UNC5D: variants seen among roughly 807,000 people sequenced by gnomAD.
UNC5D encodes the protein unc-5 netrin receptor D.
A neutral mutation model predicts 105.4 loss-of-function variants in UNC5D; 39 were observed. The ratio of observed to expected loss-of-function variants is 0.37; its 90% CI spans 0.29 to 0.48. The LOEUF (loss-of-function observed/expected upper bound fraction) is 0.48. UNC5D is among the 20% of genes least tolerant of loss of function. The pLI is 0.98. For missense variants in UNC5D, 991 were observed against 1,202.4 expected, an observed-to-expected ratio of 0.82 and a Z score of 2.60; for synonymous variants, 452 against 450.4, an observed-to-expected ratio of 1.00 and a Z score of -0.04.
intron 1 of UNC5D, among the ~76,000 whole-genome samples, chr8:35,408,844 A>G (rs1396401133): frequency 6.6e-6 from 1 of 152,080 alleles, no homozygotes; most frequent in Non-Finnish European, 1.5e-5. Flanking sequence ...ATATAGCTCT[A>G]TGAATTTTGA....
At chr8:35,479,231 T>G (rs1347942755) in intron 1 of UNC5D, among the ~76,000 whole-genome samples, 2 of 152,092 alleles carry the variant, frequency 1.3e-5, no homozygotes, top group Admixed American at 6.6e-5. Flanking sequence ...TCGTTAGCCA[T>G]TAGGAGTCTT....
chr8:35,351,655 C>A (rs1191663977), intron 1 of UNC5D, among the ~76,000 whole-genome samples: 1 of 151,990 alleles, frequency 6.6e-6, no homozygotes, highest in African/African-American at 2.4e-5. Context: ...ATATTTGCCA[C>A]CTTAAAAAAG....
rs151084247 is a variant in UNC5D, at chr8:35,591,752, A to G, written c.467-3802A>G. 3.7e-3 allele frequency among the ~76,000 whole-genome samples: 569 copies of G among 152,300 alleles called. 4 individuals are homozygous for G. Among genetic ancestry groups the G allele is most frequent in the African/African-American group, 0.012 (483 of 41,568 alleles). Reference sequence around the variant, plus strand: ...AGATATTACAATAGGCACTGGGAATAGAGGAGTGAAAGTCTAGGACATAGA... The same window carrying G: ...AGATATTACAATAGGCACTGGGAATGGAGGAGTGAAAGTCTAGGACATAGA... On this transcript the variant is annotated intron_variant, in intron 3 of 16. Transcript: ENST00000404895.
At chr8:35,548,399 ACTC>A (rs1427589077) in intron 1 of UNC5D, among the ~76,000 whole-genome samples, 1 of 151,754 alleles carries the variant, frequency 6.6e-6, no homozygotes, top group Admixed American at 6.6e-5. Flanking sequence ...ACAAGATGCC[ACTC>A]CTCCTTGTCC....
Position 35,601,967 on chromosome 8 carries a change from G to A in UNC5D, c.570+6310G>A, listed in dbSNP as rs546914557. On this transcript the variant is annotated intron_variant, in intron 4 of 16. Coordinates refer to ENST00000404895, the MANE Select transcript of UNC5D (RefSeq NM_080872.4). ...GATAGCTCTTATTATTTTGAGATACGTCCCATCAATACCTAATTTATTGAG... is the reference window on the plus strand; with the variant it reads ...GATAGCTCTTATTATTTTGAGATACATCCCATCAATACCTAATTTATTGAG... Among the ~76,000 whole-genome samples the A allele has an allele frequency of 6.0e-4, 91 of 152,244 alleles. 1 individual carries two copies. Among genetic ancestry groups the A allele is most frequent in the African/African-American group, 1.9e-3 (80 of 41,544 alleles).
At chr8:35,768,977 G>T (rs1283119922) in intron 15 of UNC5D, among the ~76,000 whole-genome samples, 1 of 152,132 alleles carries the variant, frequency 6.6e-6, no homozygotes, top group African/African-American at 2.4e-5. Flanking sequence ...CATAGCTACA[G>T]AATTTGGCCC....
At chr8:35,325,293 A>T (rs893576223) in intron 1 of UNC5D, among the ~76,000 whole-genome samples, 2 of 152,204 alleles carry the variant, frequency 1.3e-5, no homozygotes, top group African/African-American at 4.8e-5. Flanking sequence ...AATTATTTTT[A>T]AAAAGACTTA....
chr8:35,681,604 C>T (rs1314213005), intron 4 of UNC5D, among the ~76,000 whole-genome samples: 1 of 152,166 alleles, frequency 6.6e-6, no homozygotes, highest in Non-Finnish European at 1.5e-5. Context: ...CTTTTTGGCT[C>T]TGATCATTGT....
At chr8:35,737,300 G>T (rs7820398) in intron 11 of UNC5D, among the ~76,000 whole-genome samples, 2,229 of 130,094 alleles carry the variant, frequency 0.017, 56 homozygotes, top group East Asian at 0.075. Context: ...GTGTGTGTGT[G>T]TTAATGTGTG....
intron 1 of UNC5D, among the ~76,000 whole-genome samples, chr8:35,510,125 C>T (rs891713500): frequency 6.6e-6 from 1 of 151,936 alleles, no homozygotes; most frequent in African/African-American, 2.4e-5. Flanking sequence ...TTTTTCATTA[C>T]ATCCTTGGCT....
chr8:35,247,614 T>A lies in UNC5D; in HGVS notation c.103+11727T>A, dbSNP rs1334392658. ...ATATATATAATATATAAATATATAT[T>A]ATATATAAAATATATATAATATATA... On this transcript the variant is annotated intron_variant, in intron 1 of 16. Transcript: ENST00000404895. Among the ~76,000 whole-genome samples the A allele has an allele frequency of 1.5e-3, 133 of 90,090 alleles. 2 individuals carry two copies. In the South Asian group the frequency reaches 0.031, roughly 21 times the overall value. 59.1% of individuals were successfully genotyped at this position (90,090 alleles called of 152,430 possible). A position where few individuals can be genotyped will look rare whatever the true frequency, so the allele number is the denominator to read the frequency against.
In UNC5D at chr8:35,267,201, G is replaced by A. The variant is rs1804941469; in HGVS notation, c.103+31314G>A. ...CACTGATTGAGTAGTCATTTTGATG[G>A]CGGAAAAAGAATTTTTCCAGGGTAA... On this transcript the variant is annotated intron_variant, in intron 1 of 16. Transcript: ENST00000404895. Among the ~76,000 whole-genome samples, 8 of 151,680 alleles carry A rather than the reference G, an allele frequency of 5.3e-5. No homozygotes were observed. In the South Asian group the frequency reaches 1.7e-3, roughly 32 times the overall value.
intron 1 of UNC5D, among the ~76,000 whole-genome samples, chr8:35,244,399 T>C (rs1174919096): frequency 6.6e-6 from 1 of 152,180 alleles, no homozygotes; most frequent in Non-Finnish European, 1.5e-5. Context: ...TGTATAAGCA[T>C]CGGAGACAGA....
chr8:35,240,144 C>T (rs1802715163), intron 1 of UNC5D, among the ~76,000 whole-genome samples: 1 of 152,038 alleles, frequency 6.6e-6, no homozygotes, highest in African/African-American at 2.4e-5. Context: ...GAGATTAGCT[C>T]TCACTATTTT....
intron 8 of UNC5D, among the ~76,000 whole-genome samples, chr8:35,709,040 CCAA>C (rs1399822533): frequency 3.3e-5 from 5 of 152,088 alleles, no homozygotes; most frequent in Admixed American, 3.3e-4. Flanking sequence ...TGCTCAATAC[CCAA>C]CAATTCATCA....
intron 1 of UNC5D, among the ~76,000 whole-genome samples, chr8:35,498,725 T>C (rs1364447805): frequency 6.6e-6 from 1 of 152,106 alleles, no homozygotes; most frequent in Non-Finnish European, 1.5e-5. Context: ...CACAGAGCCA[T>C]GGTGATTGTG....
rs768371187 is a variant in UNC5D at position 35,766,808 on chromosome 8, A to G, written c.2314-94A>G. 28 of 1,090,874 alleles carry G rather than the reference A, an allele frequency of 2.6e-5. No individual in the cohort carries two copies. The East Asian group carries it at 2.7e-4, about 10-fold the overall frequency. The allele number at this position is 1,090,874 out of a possible 1,614,324, so 67.6% of individuals were successfully genotyped here. On this transcript the variant is annotated intron_variant, in intron 14 of 16. Coordinates refer to ENST00000404895, the MANE Select transcript of UNC5D (RefSeq NM_080872.4). ...TGTCCTCATCGTTGTTGTTGTCGTC[A>G]TCATCATCATCATCATCACTATTAA...
At chr8:35,692,775 G>A (rs1482958857) in intron 7 of UNC5D, among the ~76,000 whole-genome samples, 1 of 152,218 alleles carries the variant, frequency 6.6e-6, no homozygotes, top group Non-Finnish European at 1.5e-5. Context: ...ATGTGGCCAT[G>A]AAGCATCCTA....
chr8:35,565,306 T>C (rs187776205), intron 2 of UNC5D, among the ~76,000 whole-genome samples: 3 of 152,342 alleles, frequency 2.0e-5, no homozygotes, highest in Admixed American at 1.3e-4. Context: ...TGGTAGCTTA[T>C]GGTGGTTTTA....
Sources: gnomAD v4.1 joint callset for allele counts (sites outside exome capture counted in the v4.1 genomes callset) on GRCh38, gnomAD v4.1.1 for gene constraint, MANE v1.5 for transcripts, NCBI Gene and HGNC (gene_info 2026-07-23, HGNC 2026-07-21) for gene names.